CHKA: variants seen among roughly 807,000 people sequenced by gnomAD.
The protein encoded by CHKA is choline kinase alpha, also known as CHETK-alpha.
CHKA carries 34 observed loss-of-function variants against 60.1 expected under a neutral mutation model. The observed-to-expected ratio is 0.57, with a 90% CI of 0.43 to 0.75. The LOEUF is 0.75. Among genes scored for constraint, CHKA ranks in the 30% least tolerant of loss-of-function variants. The pLI is 0.00. For missense variants in CHKA, 563 were observed against 561.3 expected, an observed-to-expected ratio of 1.00 and a Z score of -0.03; for synonymous variants, 217 against 223.1, an observed-to-expected ratio of 0.97 and a Z score of 0.24.
chr11:68,058,115 C>G (rs1217608365), intron 11 of CHKA, among the ~76,000 whole-genome samples: 1 of 152,088 alleles, frequency 6.6e-6, no homozygotes, highest in African/African-American at 2.4e-5. Flanking sequence ...TGGTTTCCAA[C>G]TCCTGGGCTC....
At chr11:68,104,357 G>C (rs867904813) in intron 1 of CHKA, among the ~76,000 whole-genome samples, 7 of 151,914 alleles carry the variant, frequency 4.6e-5, no homozygotes, top group African/African-American at 7.3e-5. Context: ...TTGGCCAACT[G>C]GTACAATATT....
At chr11:68,094,334 G>A (rs1162157446) in intron 2 of CHKA, among the ~76,000 whole-genome samples, 1 of 152,184 alleles carries the variant, frequency 6.6e-6, no homozygotes, top group Non-Finnish European at 1.5e-5. Context: ...TTAAGGCCAG[G>A]AGTTTGAGAC....
intron 4 of CHKA, among the ~76,000 whole-genome samples, chr11:68,072,550 T>TAAA (rs10708078): frequency 8.9e-5 from 10 of 112,732 alleles, no homozygotes; most frequent in African/African-American, 2.7e-4. Flanking sequence ...GACCCTATCT[T>TAAA]AAAAAAAAAA....
chr11:68,115,871 A>G (rs1858365317), intron 1 of CHKA, among the ~76,000 whole-genome samples: 1 of 152,228 alleles, frequency 6.6e-6, no homozygotes, highest in African/African-American at 2.4e-5. Flanking sequence ...TTTAGGTTAT[A>G]ATACAACTAC....
chr11:68,098,748 C>T (rs1214634928), intron 1 of CHKA, among the ~76,000 whole-genome samples: 4 of 151,966 alleles, frequency 2.6e-5, no homozygotes, highest in African/African-American at 9.7e-5. Context: ...GGCTAGAGTA[C>T]AGTGGCACAA....
intron 1 of CHKA, among the ~76,000 whole-genome samples, chr11:68,106,053 T>C (rs763104905): frequency 6.6e-6 from 1 of 152,202 alleles, no homozygotes; most frequent in Non-Finnish European, 1.5e-5. Flanking sequence ...AAACAGCTAC[T>C]GAATTTAGAG....
At chr11:68,108,193 C>CT in intron 1 of CHKA, among the ~76,000 whole-genome samples, 1 of 152,242 alleles carries the variant, frequency 6.6e-6, no homozygotes, top group South Asian at 2.1e-4. Flanking sequence ...TGGCACACAC[C>CT]TGTAGTCCCA....
intron 11 of CHKA, among the ~76,000 whole-genome samples, chr11:68,057,725 G>C (rs1289773657): frequency 6.6e-6 from 1 of 152,186 alleles, no homozygotes; most frequent in Non-Finnish European, 1.5e-5. Flanking sequence ...TTATGGCACA[G>C]AATCAGGTTC....
At chr11:68,061,316 G>C (rs1856238433) in intron 11 of CHKA, among the ~76,000 whole-genome samples, 1 of 151,932 alleles carries the variant, frequency 6.6e-6, no homozygotes, top group Non-Finnish European at 1.5e-5. Context: ...ACGTTGGCCA[G>C]GATGGTCTCG....
chr11:68,089,466 T>C (rs891015483), intron 2 of CHKA, among the ~76,000 whole-genome samples: 7 of 152,174 alleles, frequency 4.6e-5, no homozygotes, highest in Non-Finnish European at 8.8e-5. Context: ...AAAATATATA[T>C]GGTGTCTCCT....
intron 3 of CHKA, among the ~76,000 whole-genome samples, chr11:68,079,787 C>T (rs935166562): frequency 6.6e-6 from 1 of 152,186 alleles, no homozygotes; most frequent in Admixed American, 6.5e-5. Context: ...CGAGGAGAGA[C>T]TGCTAGCCAA....
Position 68,052,973 on chromosome 11 carries a change from C to G in CHKA, c.*1015G>C, listed in dbSNP as rs1184588105. On this transcript the variant is annotated 3_prime_UTR_variant, in exon 12 of 12. Coordinates refer to ENST00000265689, the MANE Select transcript of CHKA (RefSeq NM_001277.3). ...AAAAAAAAGTCAGCTAAGACTGTAT[C>G]CCGCAGGACATTTCATATATATGGA... 6.6e-6 allele frequency: 1 copy of G among 152,580 alleles called. No individual in the cohort carries two copies. The highest frequency in any genetic ancestry group is 2.4e-5 in the African/African-American group (1 of 41,432). 9.5% of individuals were successfully genotyped at this position (152,580 alleles called of 1,614,324 possible). A position where few individuals can be genotyped will look rare whatever the true frequency, so the allele number is the denominator to read the frequency against.
chr11:68,071,395 G>A (rs1200226848), intron 4 of CHKA, among the ~76,000 whole-genome samples: 1 of 152,236 alleles, frequency 6.6e-6, no homozygotes, highest in African/African-American at 2.4e-5. Flanking sequence ...GCACAGAGCA[G>A]GTGTCCAGGG....
In CHKA at chr11:68,070,813, A is replaced by G; in HGVS notation, c.675T>C (p.Ser225=). Residue 225 remains serine, a synonymous_variant, in exon 5 of 12, where the codon TCT becomes TCC. Coordinates refer to ENST00000265689, the MANE Select transcript of CHKA (RefSeq NM_001277.3). ...TAGCCATTTTCTCGGCGATTTCTGC[A>G]GAAATATCTGGCAAACTTAATTCTT... ...DTEELSLPDI[S]AEIAEKMATF... 1.9e-6 allele frequency: 3 copies of G among 1,613,088 alleles called. No homozygotes were observed. The South Asian group carries it at 3.3e-5, about 18-fold the overall frequency.
chr11:68,119,858 G>C (rs191225102), intron 1 of CHKA, among the ~76,000 whole-genome samples: 94 of 152,238 alleles, frequency 6.2e-4, no homozygotes, highest in African/African-American at 2.2e-3. Context: ...AAGAAGGTCA[G>C]ACTTCTGTTA....
chr11:68,095,107 T>A (rs755599233), intron 2 of CHKA, among the ~76,000 whole-genome samples: 1 of 151,958 alleles, frequency 6.6e-6, no homozygotes, highest in Admixed American at 6.6e-5. Context: ...CCAAAGAAGA[T>A]TAAAATGGAT....
intron 4 of CHKA, among the ~76,000 whole-genome samples, chr11:68,074,057 CAG>C (rs1856706960): frequency 6.6e-6 from 1 of 151,966 alleles, no homozygotes; most frequent in Non-Finnish European, 1.5e-5. Flanking sequence ...GGCATGGAGT[CAG>C]GGGTGGGTGG....
chr11:68,072,251 A>C (rs982485609), intron 4 of CHKA, among the ~76,000 whole-genome samples: 6 of 152,186 alleles, frequency 3.9e-5, no homozygotes, highest in African/African-American at 1.4e-4. Context: ...CAAGCAGTGA[A>C]GAGTAAACCT....
intron 1 of CHKA, among the ~76,000 whole-genome samples, chr11:68,103,159 G>T (rs1009241416): frequency 6.6e-6 from 1 of 151,900 alleles, no homozygotes; most frequent in Non-Finnish European, 1.5e-5. Flanking sequence ...CAAGGCAAAA[G>T]ACCCAACAGA....
Sources: gnomAD v4.1 joint callset for allele counts (sites outside exome capture counted in the v4.1 genomes callset) on GRCh38, gnomAD v4.1.1 for gene constraint, MANE v1.5 for transcripts, NCBI Gene and HGNC (gene_info 2026-07-23, HGNC 2026-07-21) for gene names.